The following MAML3 variants were observed in gnomAD, a reference collection of about 807,000 sequenced individuals.
The protein encoded by MAML3 is mastermind like transcriptional coactivator 3.
Under a neutral mutation model 101.9 loss-of-function variants are expected in MAML3, and 27 were observed. That is an observed-to-expected ratio of 0.27 (90% confidence interval 0.20 to 0.37). The LOEUF (loss-of-function observed/expected upper bound fraction) is 0.37. Ranked by LOEUF, MAML3 falls within the 10% of genes least tolerant of loss-of-function variation. The pLI, the probability that MAML3 is intolerant of heterozygous loss-of-function variation, is 1.00. For missense variants in MAML3, 1,316 were observed against 1,444.9 expected (o/e 0.91, Z 1.45); for synonymous variants, 501 against 555.9 (o/e 0.90, Z 1.39).
At chr4:139,981,225 CTG>C (rs1449888795) in intron 1 of MAML3, among the ~76,000 whole-genome samples, 6 of 152,348 alleles carry the variant, frequency 3.9e-5, no homozygotes, top group Non-Finnish European at 5.9e-5. Flanking sequence ...GGCCATCTCT[CTG>C]TGCACAGACA....
At chr4:139,768,222 T>TTGTGTG (rs34182828) in intron 2 of MAML3, among the ~76,000 whole-genome samples, 7,151 of 136,274 alleles carry the variant, frequency 0.052, 203 homozygotes, top group South Asian at 0.09. Flanking sequence ...CTGTTGATAG[T>TTGTGTG]TGTGTGTGTG....
chr4:139,752,741 T>A (rs1446759064), intron 2 of MAML3, among the ~76,000 whole-genome samples: 1 of 152,084 alleles, frequency 6.6e-6, no homozygotes, highest in Non-Finnish European at 1.5e-5. Context: ...ATCGCAGCAC[T>A]AACACCTAAA....
intron 1 of MAML3, among the ~76,000 whole-genome samples, chr4:140,060,376 A>AAAAAAAAAAAAAAAC (rs1560880616): frequency 6.8e-6 from 1 of 146,594 alleles, no homozygotes. Flanking sequence ...AAAAAAAAAA[A>AAAAAAAAAAAAAAAC]AAAAAAAAAG....
intron 2 of MAML3, among the ~76,000 whole-genome samples, chr4:139,846,607 C>G (rs530533859): frequency 1.2e-3 from 179 of 152,282 alleles, no homozygotes; most frequent in Non-Finnish European, 1.8e-3. Flanking sequence ...CCTGGCCTCC[C>G]AAAGTGCAGG....
chr4:139,832,520 A>C (rs1731186254), intron 2 of MAML3, among the ~76,000 whole-genome samples: 1 of 152,038 alleles, frequency 6.6e-6, no homozygotes, highest in Non-Finnish European at 1.5e-5. Flanking sequence ...GTGGGAAGAG[A>C]AGCTATAAAA....
In MAML3 at chr4:139,890,400, T is replaced by C. The variant is rs557446142; in HGVS notation, c.1036A>G (p.Thr346Ala). 6.9e-6 allele frequency: 11 copies of C among 1,604,230 alleles called. No homozygotes were observed. Among genetic ancestry groups the C allele is most frequent in the Admixed American group, 1.7e-5 (1 of 59,568 alleles). ...KKEPEFSQPA[T>A]ETPLSQESAS... ...CTCTCCTGGGAGAGAGGGGTCTCAGTTGCTGGCTGCGAGAATTCTGGCTCC... is the reference window on the plus strand; with the variant it reads ...CTCTCCTGGGAGAGAGGGGTCTCAGCTGCTGGCTGCGAGAATTCTGGCTCC... The change falls in exon 2 of 5, where the codon ACT becomes GCT. Residue 346 changes from threonine (T) to alanine (A), a missense_variant. Coordinates refer to ENST00000509479, the MANE Select transcript of MAML3 (RefSeq NM_018717.5). This position sits in a 1 kb window ranked among gnomAD's most constrained non-coding sequence, Gnocchi z 4.1.
At chr4:140,010,761 T>A (rs540396819) in intron 1 of MAML3, among the ~76,000 whole-genome samples, 6 of 152,140 alleles carry the variant, frequency 3.9e-5, no homozygotes, top group Non-Finnish European at 7.3e-5. Flanking sequence ...TATCAAGCTA[T>A]TTCTAACTTG....
chr4:139,932,384 G>T (rs755651272), intron 1 of MAML3, among the ~76,000 whole-genome samples: 2 of 152,150 alleles, frequency 1.3e-5, no homozygotes, highest in African/African-American at 4.8e-5. Flanking sequence ...AGATTATGCA[G>T]TACCTCAAAC....
At chr4:140,006,836 C>T (rs1185482041) in intron 1 of MAML3, among the ~76,000 whole-genome samples, 1 of 152,130 alleles carries the variant, frequency 6.6e-6, no homozygotes, top group Non-Finnish European at 1.5e-5. Flanking sequence ...CAAAGACTTA[C>T]ATAGAGCTTA....
chr4:139,915,979 A>G (rs1217317137), intron 1 of MAML3, among the ~76,000 whole-genome samples: 1 of 152,226 alleles, frequency 6.6e-6, no homozygotes, highest in East Asian at 1.9e-4. Context: ...TTGTGTGTGC[A>G]TCCATTAAAT....
chr4:140,132,237 A>C (rs967404625), intron 1 of MAML3, among the ~76,000 whole-genome samples: 7 of 152,260 alleles, frequency 4.6e-5, no homozygotes, highest in African/African-American at 1.4e-4. Context: ...CTCTCCTGTA[A>C]GAAAAGAGTG....
intron 1 of MAML3, among the ~76,000 whole-genome samples, chr4:140,092,076 G>GTATATATATATATATATATATA (rs367672054): frequency 3.1e-5 from 2 of 64,022 alleles, no homozygotes; most frequent in African/African-American, 7.8e-5. Context: ...ATATATATAC[G>GTATATATATATATATATATATA]TATATATATA....
At chr4:139,778,982 C>CAAAAAAAAAAAA (rs67782985) in intron 2 of MAML3, among the ~76,000 whole-genome samples, 1 of 100,638 alleles carries the variant, frequency 9.9e-6, no homozygotes. Context: ...GACTCCACCT[C>CAAAAAAAAAAAA]AAAAAAAAAA....
intron 1 of MAML3, among the ~76,000 whole-genome samples, chr4:140,089,681 C>T (rs1728012374): frequency 6.6e-6 from 1 of 152,232 alleles, no homozygotes; most frequent in Non-Finnish European, 1.5e-5. Flanking sequence ...ATTCACATGA[C>T]ATTCCAGAAA....
At chr4:140,127,547 G>T (rs1195573328) in intron 1 of MAML3, among the ~76,000 whole-genome samples, 1 of 152,162 alleles carries the variant, frequency 6.6e-6, no homozygotes, top group Non-Finnish European at 1.5e-5. Flanking sequence ...CATCTAACAA[G>T]CACCACAAAC....
At chr4:140,025,485 C>A (rs1726807286) in intron 1 of MAML3, among the ~76,000 whole-genome samples, 1 of 152,122 alleles carries the variant, frequency 6.6e-6, no homozygotes, top group Admixed American at 6.6e-5. Context: ...GGAAAGATTT[C>A]TGTCCTGATG....
intron 2 of MAML3, among the ~76,000 whole-genome samples, chr4:139,813,034 T>A (rs1730831912): frequency 1.4e-5 from 2 of 144,234 alleles, no homozygotes; most frequent in African/African-American, 2.5e-5. Context: ...AAAATAAACA[T>A]TTAGAAAATT....
At chr4:139,861,998 C>G (rs890404872) in intron 2 of MAML3, among the ~76,000 whole-genome samples, 2 of 152,066 alleles carry the variant, frequency 1.3e-5, no homozygotes, top group African/African-American at 2.4e-5. Context: ...CACCTGAGGT[C>G]AGGAGTTCGA....
At chr4:139,962,666 T>C (rs528388616) in intron 1 of MAML3, among the ~76,000 whole-genome samples, 1 of 152,348 alleles carries the variant, frequency 6.6e-6, no homozygotes, top group South Asian at 2.1e-4. Context: ...TTGCAACTTC[T>C]CTGTAAATCT....
Sources: gnomAD v4.1 joint callset for allele counts (sites outside exome capture counted in the v4.1 genomes callset) on GRCh38, gnomAD v4.1.1 for gene constraint, Gnocchi (gnomAD v3.1) non-coding constraint, MANE v1.5 for transcripts, NCBI Gene and HGNC (gene_info 2026-07-23, HGNC 2026-07-21) for gene names.